The following TM9SF4 variants were observed in gnomAD, a reference collection of about 807,000 sequenced individuals.
The protein encoded by TM9SF4 is transmembrane 9 superfamily member 4.
Under a neutral mutation model 90.4 loss-of-function variants are expected in TM9SF4, and 26 were observed. That is an observed-to-expected ratio of 0.29 (90% confidence interval 0.21 to 0.40). The LOEUF (loss-of-function observed/expected upper bound fraction) is 0.40. Among genes scored for constraint, TM9SF4 ranks in the 10% least tolerant of loss-of-function variants. TM9SF4 has a pLI of 1.00. For missense variants in TM9SF4, 549 were observed against 834.8 expected (o/e 0.66, Z 4.22); for synonymous variants, 293 against 315.4 (o/e 0.93, Z 0.75).
intron 3 of TM9SF4, 54 bp from the exon 4 acceptor site, chr20:32,141,443 C>T (rs1169935865): frequency 1.9e-6 from 3 of 1,597,028 alleles, no homozygotes; most frequent in African/African-American, 2.7e-5. Context: ...ACTCTGCTGA[C>T]CTCAGCAACC....
In TM9SF4 at chr20:32,115,202, G is replaced by T. The variant is rs199754256; in HGVS notation, c.15+5447G>T. On this transcript the variant is annotated intron_variant, in intron 1 of 17. Transcript: ENST00000398022. ...TGTTTCTCTGAGGGGTCCCTTTAAA[G>T]GAATGCCCTTAATCCCCCTCAGGAA... Among the ~76,000 whole-genome samples the T allele has an allele frequency of 3.9e-5, 6 of 152,322 alleles. No individual in the cohort carries two copies. In the East Asian group the frequency reaches 1.2e-3, roughly 29 times the overall value.
chr20:32,134,290 G>A (rs1427179621), intron 2 of TM9SF4, among the ~76,000 whole-genome samples: 2 of 152,190 alleles, frequency 1.3e-5, no homozygotes, highest in Non-Finnish European at 2.9e-5. Flanking sequence ...GGGAGGCAAC[G>A]TAAAGGTGGG....
intron 1 of TM9SF4, among the ~76,000 whole-genome samples, chr20:32,119,283 AC>A (rs2046272002): frequency 6.6e-6 from 1 of 151,314 alleles, no homozygotes. Context: ...ACATGATGAA[AC>A]CCAGTCTCTA....
intron 10 of TM9SF4, among the ~76,000 whole-genome samples, chr20:32,150,143 T>G (rs1261481524): frequency 6.6e-6 from 1 of 152,186 alleles, no homozygotes; most frequent in African/African-American, 2.4e-5. Context: ...TATATAGTAA[T>G]TTTAGACAGC....
chr20:32,139,054 C>G (rs1389632934), intron 3 of TM9SF4, among the ~76,000 whole-genome samples: 1 of 152,236 alleles, frequency 6.6e-6, no homozygotes, highest in Non-Finnish European at 1.5e-5. Context: ...CCTTCCAAAA[C>G]AGGGTGGAGG....
At chr20:32,109,969 G>A in intron 1 of TM9SF4, 2 of 1,412,260 alleles carry the variant, frequency 1.4e-6, no homozygotes, top group South Asian at 3.1e-5. Context: ...TTTGGGGGAG[G>A]CGCCGTTTCG....
chr20:32,154,129 T>G (rs1352240898), intron 12 of TM9SF4, among the ~76,000 whole-genome samples: 1 of 152,070 alleles, frequency 6.6e-6, no homozygotes, highest in Non-Finnish European at 1.5e-5. Context: ...GACATACGTG[T>G]TTTGTTAAAG....
chr20:32,150,465 A>G (rs2046826001), intron 10 of TM9SF4, among the ~76,000 whole-genome samples, 157 bp from the exon 11 acceptor site: 1 of 152,184 alleles, frequency 6.6e-6, no homozygotes, highest in African/African-American at 2.4e-5. Context: ...AGGGTAGGGG[A>G]CTATGCTGTT....
intron 1 of TM9SF4, among the ~76,000 whole-genome samples, chr20:32,119,041 C>T (rs2046269122): frequency 6.6e-6 from 1 of 152,122 alleles, no homozygotes. Flanking sequence ...TCAATTTTTA[C>T]TTGTCAGTCT....
At chr20:32,155,219 C>G (rs546918008) in intron 13 of TM9SF4, 33 bp downstream of exon 13, 24 of 1,578,070 alleles carry the variant, frequency 1.5e-5, no homozygotes, top group Non-Finnish European at 2.0e-5. Context: ...CAGCCCCTCC[C>G]CAGCAAGCGA....
At chr20:32,142,093 A>T (rs2046690174) in intron 5 of TM9SF4, among the ~76,000 whole-genome samples, 198 bp downstream of exon 5, 1 of 151,968 alleles carries the variant, frequency 6.6e-6, no homozygotes, top group Non-Finnish European at 1.5e-5. Context: ...AATTCTTAGG[A>T]AGTTAGGTTC....
chr20:32,125,028 G>A (rs2046398558), intron 1 of TM9SF4, among the ~76,000 whole-genome samples: 1 of 152,086 alleles, frequency 6.6e-6, no homozygotes, highest in Non-Finnish European at 1.5e-5. Flanking sequence ...GAGCTTCAAG[G>A]GAGGTCATGA....
chr20:32,152,677 C>G (rs1028678806), intron 12 of TM9SF4, among the ~76,000 whole-genome samples: 4 of 152,174 alleles, frequency 2.6e-5, no homozygotes, highest in African/African-American at 9.7e-5. Flanking sequence ...CTCCTACGGC[C>G]TTGCCTGTGC....
At chr20:32,112,521 C>A (rs1041071735) in intron 1 of TM9SF4, among the ~76,000 whole-genome samples, 2 of 152,070 alleles carry the variant, frequency 1.3e-5, no homozygotes, top group Non-Finnish European at 1.5e-5. Context: ...CATGGCGAAA[C>A]CCTGTCTTCT....
At chr20:32,151,248 A>C (rs547607378) in intron 12 of TM9SF4, among the ~76,000 whole-genome samples, 2 of 152,190 alleles carry the variant, frequency 1.3e-5, no homozygotes, top group Non-Finnish European at 2.9e-5. Context: ...CCTAAGCCTG[A>C]AGAGGCCAGA....
intron 1 of TM9SF4, among the ~76,000 whole-genome samples, chr20:32,126,102 C>T (rs971151692): frequency 6.6e-6 from 1 of 150,482 alleles, no homozygotes; most frequent in Non-Finnish European, 1.5e-5. Context: ...CACACACACA[C>T]ACACAGTAGC....
In TM9SF4 at chr20:32,136,069, A is replaced by C; in HGVS notation, c.130-5A>C. ...TCATCTTGGTTTCTGCTGGATTCCC[A>C]TCAGGCTGTGAAGCTCACCAGCTCT... On this transcript the variant is annotated splice_polypyrimidine_tract_variant and splice_region_variant and intron_variant, in intron 2 of 17. Transcript: ENST00000398022. 1 of 1,614,002 alleles carries C rather than the reference A, an allele frequency of 6.2e-7. No homozygotes were observed. The highest frequency in any genetic ancestry group is 8.5e-7 in the Non-Finnish European group (1 of 1,179,896).
intron 12 of TM9SF4, among the ~76,000 whole-genome samples, chr20:32,153,040 C>T (rs955257749): frequency 1.3e-5 from 2 of 152,160 alleles, no homozygotes; most frequent in Admixed American, 6.5e-5. Context: ...TGAGCCGGGC[C>T]TTGAGGAGGA....
chr20:32,117,440 T>C (rs1190295888), intron 1 of TM9SF4, among the ~76,000 whole-genome samples: 2 of 152,194 alleles, frequency 1.3e-5, no homozygotes, highest in Non-Finnish European at 2.9e-5. Flanking sequence ...AACTTCTGGT[T>C]ACAGAGAAAT....
Sources: gnomAD v4.1 joint callset for allele counts (sites outside exome capture counted in the v4.1 genomes callset) on GRCh38, gnomAD v4.1.1 for gene constraint, MANE v1.5 for transcripts, NCBI Gene and HGNC (gene_info 2026-07-23, HGNC 2026-07-21) for gene names.